Variants in CIMIP6 observed in about 807,000 individuals in gnomAD.
CIMIP6 encodes the protein ciliary microtubule inner protein 6, also known as uncharacterized protein C2orf73.
the CIMIP6 span, among the ~76,000 whole-genome samples, chr2:54,359,575 T>C: frequency 0.1 from 15,144 of 151,596 alleles, 939 homozygotes; most frequent in South Asian, 0.26. Context: ...CTGGGCAACA[T>C]AGCAAGTCTC....
the CIMIP6 span, among the ~76,000 whole-genome samples, chr2:54,358,025 A>G: frequency 6.6e-6 from 1 of 152,222 alleles, no homozygotes; most frequent in Non-Finnish European, 1.5e-5. Context: ...CTGAGTTTTA[A>G]AAATTATTTA....
chr2:54,358,019 G>A, the CIMIP6 span, among the ~76,000 whole-genome samples: 3 of 152,240 alleles, frequency 2.0e-5, no homozygotes, highest in South Asian at 6.2e-4. Context: ...GTAAAACTGA[G>A]TTTTAAAAAT....
the CIMIP6 span, among the ~76,000 whole-genome samples, chr2:54,381,487 T>C: frequency 1.6e-4 from 24 of 152,382 alleles, no homozygotes; most frequent in Admixed American, 2.6e-4. Flanking sequence ...GGAACGTTAC[T>C]GTTCCCATTT....
At chr2:54,333,160 A>C in the CIMIP6 span, among the ~76,000 whole-genome samples, 1 of 152,262 alleles carries the variant, frequency 6.6e-6, no homozygotes, top group Non-Finnish European at 1.5e-5. Context: ...GTACACCTTC[A>C]TGGAACTTAT....
chr2:54,341,676 C>A, the CIMIP6 span, among the ~76,000 whole-genome samples: 1 of 152,212 alleles, frequency 6.6e-6, no homozygotes, highest in African/African-American at 2.4e-5. Context: ...GGCAGTGCAG[C>A]AGTCTGCTGG....
At chr2:54,331,604 A>G in the CIMIP6 span, among the ~76,000 whole-genome samples, 14 of 152,192 alleles carry the variant, frequency 9.2e-5, no homozygotes, top group African/African-American at 3.1e-4. Context: ...CCTTTCTGCT[A>G]TCATCTGCAG....
chr2:54,343,654 C>T, the CIMIP6 span: 4 of 1,178,632 alleles, frequency 3.4e-6, no homozygotes, highest in Non-Finnish European at 4.6e-6. Context: ...TATCCATAGA[C>T]ATCAAGCAAT....
At chr2:54,362,796 C>T in the CIMIP6 span, among the ~76,000 whole-genome samples, 1 of 152,220 alleles carries the variant, frequency 6.6e-6, no homozygotes, top group South Asian at 2.1e-4. Context: ...ATCTGCCTAC[C>T]TCAGCCTCCC....
the CIMIP6 span, among the ~76,000 whole-genome samples, chr2:54,367,979 C>T: frequency 6.6e-6 from 1 of 152,118 alleles, no homozygotes; most frequent in Non-Finnish European, 1.5e-5. Context: ...ATTATCTAGT[C>T]AACCTTACAC....
At chr2:54,380,692 A>G in the CIMIP6 span, among the ~76,000 whole-genome samples, 1 of 152,190 alleles carries the variant, frequency 6.6e-6, no homozygotes, top group Non-Finnish European at 1.5e-5. Flanking sequence ...TGTGTCCTCC[A>G]CACCTAGTTC....
At chr2:54,357,756 T>G in the CIMIP6 span, among the ~76,000 whole-genome samples, 1 of 151,252 alleles carries the variant, frequency 6.6e-6, no homozygotes, top group Non-Finnish European at 1.5e-5. Context: ...TTTTTTTTTT[T>G]TGTATTTTTA....
chr2:54,344,772 A>C, the CIMIP6 span, among the ~76,000 whole-genome samples: 42,575 of 152,122 alleles, frequency 0.28, 7,081 homozygotes, highest in Non-Finnish European at 0.38. Flanking sequence ...AGTTAAAAAA[A>C]AGATTTGGAG....
the CIMIP6 span, chr2:54,360,454 C>G: frequency 1.9e-6 from 3 of 1,589,530 alleles, no homozygotes; most frequent in Non-Finnish European, 2.6e-6. Flanking sequence ...CATGCCCCAG[C>G]ACTCCTGAGA....
chr2:54,335,127 T>G, the CIMIP6 span: 4 of 867,756 alleles, frequency 4.6e-6, no homozygotes, highest in South Asian at 7.7e-5. Context: ...CATCTCAGAG[T>G]AGTACTTATC....
At chr2:54,331,500 A>C in the CIMIP6 span, among the ~76,000 whole-genome samples, 1 of 152,030 alleles carries the variant, frequency 6.6e-6, no homozygotes. Flanking sequence ...GTAGAGTAAA[A>C]GCCAAGGCAC....
chr2:54,347,505 A>G, the CIMIP6 span, among the ~76,000 whole-genome samples: 2 of 152,242 alleles, frequency 1.3e-5, no homozygotes, highest in African/African-American at 4.8e-5. Context: ...TTGGTAGCCA[A>G]CCAGTCCCTT....
At chr2:54,378,699 A>G in the CIMIP6 span, among the ~76,000 whole-genome samples, 2 of 152,212 alleles carry the variant, frequency 1.3e-5, no homozygotes, top group Non-Finnish European at 2.9e-5. Context: ...ATACAGAAAA[A>G]GAAGTATTCA....
At chr2:54,359,338 G>A in the CIMIP6 span, among the ~76,000 whole-genome samples, 17 of 152,128 alleles carry the variant, frequency 1.1e-4, no homozygotes, top group Admixed American at 4.6e-4. Flanking sequence ...GCAGTGAGCC[G>A]TAATTGCACC....
the CIMIP6 span, among the ~76,000 whole-genome samples, chr2:54,350,607 G>A: frequency 2.6e-5 from 4 of 152,182 alleles, no homozygotes; most frequent in Non-Finnish European, 5.9e-5. Flanking sequence ...ATATCCTGTT[G>A]GTTAAAGCTA....
Sources: gnomAD v4.1 joint callset for allele counts (sites outside exome capture counted in the v4.1 genomes callset) on GRCh38, gnomAD v4.1.1 for gene constraint, MANE v1.5 for transcripts, NCBI Gene and HGNC (gene_info 2026-07-23, HGNC 2026-07-21) for gene names.